ENG: variants seen among roughly 807,000 people sequenced by gnomAD.
ENG encodes the protein CD105 antigen.
In ENG, 17 loss-of-function variants were observed where a neutral mutation model predicts 71.0. The observed-to-expected ratio is 0.24, with a 90% CI of 0.16 to 0.36. The LOEUF (loss-of-function observed/expected upper bound fraction) is 0.36, where lower values mean the gene tolerates loss of function less well. Among genes scored for constraint, ENG ranks in the 10% least tolerant of loss-of-function variants. The pLI is 1.00. For missense variants in ENG, 749 were observed against 868.3 expected, an observed-to-expected ratio of 0.86 and a Z score of 1.73; for synonymous variants, 360 against 366.9, an observed-to-expected ratio of 0.98 and a Z score of 0.21.
At chr9:127,852,210 C>T (rs181318996) in intron 1 of ENG, among the ~76,000 whole-genome samples, 8 of 152,152 alleles carry the variant, frequency 5.3e-5, no homozygotes, top group Non-Finnish European at 8.8e-5. Flanking sequence ...CCACGGACCA[C>T]GCATCTTTAC....
At position 127,817,203 on chromosome 9, in the gene ENG, C is replaced by T; in HGVS notation, c.1687G>A (p.Glu563Lys). The change falls in exon 13 of 15, where the codon GAA (glutamate) becomes AAA (lysine). Residue 563 changes from glutamate to lysine, a missense_variant and splice_region_variant. Physicochemically the swap from Glu to Lys is moderately conservative, Grantham distance 56. Transcript: ENST00000373203. ...CGCATGAAGACAGTCCTATGGACTTCCTGGAGGAGAAAGAGAGAGCAGTAT... is the reference window on the plus strand; with the variant it reads ...CGCATGAAGACAGTCCTATGGACTTTCTGGAGGAGAAAGAGAGAGCAGTAT... Reference protein sequence around the residue: ...LRPKTGSQDQEVHRTVFMRLN... With the variant: ...LRPKTGSQDQKVHRTVFMRLN... 6.2e-7 allele frequency: 1 copy of T among 1,614,138 alleles called. No homozygotes were observed. Among genetic ancestry groups the T allele is most frequent in the Non-Finnish European group, 8.5e-7 (1 of 1,180,018 alleles).
intron 2 of ENG, among the ~76,000 whole-genome samples, chr9:127,830,522 C>G (rs936409210): frequency 6.6e-6 from 1 of 151,744 alleles, no homozygotes; most frequent in African/African-American, 2.4e-5. Context: ...TGGTGGATGC[C>G]TGTAATTCCA....
rs182834845 is a variant in ENG at position 127,850,748 on chromosome 9, A to C, written c.67+3541T>G. Among the ~76,000 whole-genome samples, 280 of 152,360 alleles carry C rather than the reference A, an allele frequency of 1.8e-3. 3 individuals carry two copies. Among genetic ancestry groups the C allele is most frequent in the African/African-American group, 6.4e-3 (268 of 41,582 alleles). ...GAACACTCTTCAATCCCAGCCACCC[A>C]GCACAGGCCACGAGCCGCTGCAGCC... is the stretch of plus-strand genomic sequence containing the variant. On this transcript the variant is annotated intron_variant, in intron 1 of 14. Transcript: ENST00000373203.
Position 127,825,349 on chromosome 9 carries a change from G to A in ENG, c.698C>T (p.Thr233Met), listed in dbSNP as rs139767471. ...VLPGHSAGPR[T>M]VTVKVELSCA... ...GCTCAGTTCCACCTTCACCGTCACC[G>A]TCCGGGGCCTGCGGGGAGACAGACG... Residue 233 changes from threonine to methionine, a missense_variant, in exon 6 of 15, where the codon ACG becomes ATG. Thr to Met is a moderately conservative substitution (Grantham distance 81). Transcript: ENST00000373203. The A allele has an allele frequency of 1.6e-5, 25 of 1,610,338 alleles. 1 individual carries two copies. Among genetic ancestry groups the A allele is most frequent in the South Asian group, 4.4e-5 (4 of 90,900 alleles).
intron 2 of ENG, among the ~76,000 whole-genome samples, chr9:127,830,154 C>T (rs1830730508): frequency 6.6e-6 from 1 of 151,820 alleles, no homozygotes; most frequent in South Asian, 2.1e-4. Context: ...CCAGCCTGAC[C>T]AACATGGTGA....
At chr9:127,850,619 G>A (rs1002119869) in intron 1 of ENG, among the ~76,000 whole-genome samples, 6 of 152,284 alleles carry the variant, frequency 3.9e-5, no homozygotes, top group East Asian at 1.9e-4. Flanking sequence ...TTGTGGTCTC[G>A]CTCTTGCGCC....
Position 127,843,775 on chromosome 9 carries a change from T to A in ENG, c.68-530A>T, listed in dbSNP as rs1389382584. On this transcript the variant is annotated intron_variant, in intron 1 of 14. Transcript: ENST00000373203. ...TATATATTTTTTTTTTTTTTTTTTT[T>A]TTTTTTTTTTTTTGAGATGGAGTTT... Among the ~76,000 whole-genome samples, 123 of 91,136 alleles carry A rather than the reference T, an allele frequency of 1.3e-3. 2 individuals carry two copies. Among genetic ancestry groups the A allele is most frequent in the South Asian group, 5.8e-3 (15 of 2,594 alleles). 59.8% of individuals were successfully genotyped at this position (91,136 alleles called of 152,430 possible). A position where few individuals can be genotyped will look rare whatever the true frequency, so the allele number is the denominator to read the frequency against.
At chr9:127,840,146 C>T (rs1458487335) in intron 2 of ENG, among the ~76,000 whole-genome samples, 7 of 152,216 alleles carry the variant, frequency 4.6e-5, no homozygotes, top group Non-Finnish European at 7.3e-5. Flanking sequence ...AATCAAAGCT[C>T]GGAGGTGGCC....
In ENG at chr9:127,825,712, C is replaced by T. The variant is rs746358974; in HGVS notation, c.672G>A (p.Leu224=). ...GHKEAHILRV[L]PGHSAGPRTV... Reference sequence around the variant, plus strand: ...AGCCATACCCGGCCGAGTGGCCCGGCAGGACCCTCAGGATGTGCGCCTCCT... The same window carrying T: ...AGCCATACCCGGCCGAGTGGCCCGGTAGGACCCTCAGGATGTGCGCCTCCT... The change falls in exon 5 of 15, where the codon CTG becomes CTA. Residue 224 remains leucine, a synonymous_variant. Coordinates refer to ENST00000373203, the MANE Select transcript of ENG (RefSeq NM_001114753.3). The T allele has an allele frequency of 5.0e-6, 8 of 1,587,276 alleles. No homozygotes were observed. Among genetic ancestry groups the T allele is most frequent in the Non-Finnish European group, 6.0e-6 (7 of 1,169,856 alleles).
chr9:127,827,073 CGTA>C, intron 3 of ENG: 1 of 232,716 alleles, frequency 4.3e-6, no homozygotes. Flanking sequence ...GTGCTTGACA[CGTA>C]GTACGCACTG....
intron 3 of ENG, among the ~76,000 whole-genome samples, chr9:127,828,328 G>A (rs1830675166): frequency 6.6e-6 from 1 of 152,202 alleles, no homozygotes; most frequent in Non-Finnish European, 1.5e-5. Context: ...GTCAGCCCCT[G>A]TAAAATGGGG....
chr9:127,842,469 G>A (rs567779252), intron 2 of ENG, among the ~76,000 whole-genome samples: 1 of 150,996 alleles, frequency 6.6e-6, no homozygotes, highest in Non-Finnish European at 1.5e-5. Flanking sequence ...CTGTCACCAG[G>A]CCAGAGTGCA....
chr9:127,829,448 GCACATCAACCTGA>G (rs1457364917), intron 3 of ENG, among the ~76,000 whole-genome samples: 1 of 152,226 alleles, frequency 6.6e-6, no homozygotes, highest in Non-Finnish European at 1.5e-5. Flanking sequence ...GGCCAGGGCT[GCACATCAACCTGA>G]CTCCCACCTC....
Position 127,818,305 on chromosome 9 carries a change from C to T in ENG, c.1501G>A (p.Gly501Arg). The change falls in exon 12 of 15, where the codon GGA becomes AGA. Residue 501 changes from glycine (G) to arginine (R), a missense_variant. Gly to Arg is a moderately radical substitution (Grantham distance 125). Coordinates refer to ENST00000373203, the MANE Select transcript of ENG (RefSeq NM_001114753.3). ...DSCHLDLGPE[G>R]GTVELIQGRA... ...CCCTGGATGAGTTCCACGGTGCCTC[C>T]CTCAGGCCCCAAGTCCAGGTGGCAG... The T allele has an allele frequency of 1.2e-6, 2 of 1,614,100 alleles. No individual in the cohort carries two copies. Among genetic ancestry groups the T allele is most frequent in the Non-Finnish European group, 1.7e-6 (2 of 1,180,016 alleles).
Position 127,854,269 on chromosome 9 carries a change from C to A in ENG, c.67+20G>T, listed in dbSNP as rs376486512. 3.8e-6 allele frequency: 6 copies of A among 1,572,474 alleles called. No individual in the cohort carries two copies. In the African/African-American group the frequency reaches 8.1e-5, roughly 21 times the overall value. On this transcript the variant is annotated intron_variant, in intron 1 of 14. Coordinates refer to ENST00000373203, the MANE Select transcript of ENG (RefSeq NM_001114753.3). ...GCACCGGAGGCCGAGTCTCCCCACC[C>A]TGGGTCCCTGGACACCTACTTGTGG...
intron 7 of ENG, 66 bp from the exon 8 acceptor site, chr9:127,824,512 CTTTTTTTTTT>C (rs71380096): frequency 2.3e-5 from 16 of 685,824 alleles, no homozygotes; most frequent in Admixed American, 1.2e-4. Flanking sequence ...CCGCACCAGG[CTTTTTTTTTT>C]TTTTTTTTTT....
At chr9:127,852,999 ACTTGGCAGGTTAGAGCCTCC>A (rs1318241545) in intron 1 of ENG, among the ~76,000 whole-genome samples, 5 of 152,026 alleles carry the variant, frequency 3.3e-5, no homozygotes, top group Non-Finnish European at 7.4e-5. Context: ...AGCCATGTGA[ACTTGGCAGGTTAGAGCCTCC>A]CTTTTCTCTT....
rs1177167259 is a variant in ENG, at chr9:127,817,134, C to G, written c.1741+15G>C. On this transcript the variant is annotated intron_variant, in intron 13 of 14. Coordinates refer to ENST00000373203, the MANE Select transcript of ENG (RefSeq NM_001114753.3). ...AGCCACTAGAACAAACCCGAGAGAC[C>G]TGGAGGGAGCTCACCAGACAGGTCA... The G allele has an allele frequency of 6.2e-7, 1 of 1,614,158 alleles. No individual in the cohort carries two copies. The highest frequency in any genetic ancestry group is 1.7e-5 in the Admixed American group (1 of 60,014).
intron 4 of ENG, 88 bp from the exon 5 acceptor site, chr9:127,825,948 T>C (rs1283740473): frequency 2.6e-5 from 39 of 1,516,392 alleles, no homozygotes; most frequent in Non-Finnish European, 3.2e-5. Flanking sequence ...AAGATAGTGG[T>C]GGGGCAGGCA....
Sources: gnomAD v4.1 joint callset for allele counts (sites outside exome capture counted in the v4.1 genomes callset) on GRCh38, gnomAD v4.1.1 for gene constraint, MANE v1.5 for transcripts, NCBI Gene and HGNC (gene_info 2026-07-23, HGNC 2026-07-21) for gene names.